TAS2R31: variants seen among roughly 807,000 people sequenced by gnomAD.
The protein encoded by TAS2R31 is taste 2 receptor member 31, also known as taste receptor type 2 member 31.
For missense variants in TAS2R31, 352 were observed against 347.4 expected (o/e 1.01, Z -0.10); for synonymous variants, 118 against 131.4 (o/e 0.90, Z 0.70).
In TAS2R31 at chr12:11,030,589, A is replaced by C; in HGVS notation, c.747T>G (p.Val249=). ...AVYFLSIMIS[V]WSFGSLENKP... ...TGTTTTCCAGACTCCCAAAACTCCA[A>C]ACTGATATCATTATGGACAGAAAGT... is the stretch of plus-strand genomic sequence containing the variant. Residue 249 remains valine (V), a synonymous_variant, in exon 1 of 1, where the codon GTT becomes GTG. Coordinates refer to ENST00000390675, the MANE Select transcript of TAS2R31 (RefSeq NM_176885.2). 1 of 1,614,254 alleles carries C rather than the reference A, an allele frequency of 6.2e-7. No homozygotes were observed. The highest frequency in any genetic ancestry group is 8.5e-7 in the Non-Finnish European group (1 of 1,180,044).
Position 11,031,066 on chromosome 12 carries a change from T to C in TAS2R31, c.270A>G (p.Val90=), listed in dbSNP as rs369295433. 1 of 1,614,116 alleles carries C rather than the reference T, an allele frequency of 6.2e-7. No individual in the cohort carries two copies. Among genetic ancestry groups the C allele is most frequent in the Non-Finnish European group, 8.5e-7 (1 of 1,179,998 alleles). The change falls in exon 1 of 1, where the codon GTA becomes GTG. Residue 90 remains valine, a synonymous_variant. Coordinates refer to ENST00000390675, the MANE Select transcript of TAS2R31 (RefSeq NM_176885.2). ...CAAGCCAGTTGCTGAAATGGCCGGT[T>C]ACTGCCCAGACATTATAAGCAGTAG... ...VRTTAYNVWA[V]TGHFSNWLAT...
chr12:11,031,272 A>C lies in TAS2R31; in HGVS notation c.64T>G (p.Phe22Val). Residue 22 changes from phenylalanine (F) to valine (V), a missense_variant, in exon 1 of 1, where the codon TTT becomes GTT. Transcript: ENST00000390675. The stretch of plus-strand genomic sequence containing the variant: ...ACCAATGCTATGAAGCCATTAGCAA[A>C]ATTTCCAATAACAAATAGAACCACT... ...VVVVLFVIGN[F>V]ANGFIALVNS... The C allele has an allele frequency of 6.2e-7, 1 of 1,613,990 alleles. No individual in the cohort carries two copies. The highest frequency in any genetic ancestry group is 8.5e-7 in the Non-Finnish European group (1 of 1,179,910).
Position 11,031,311 on chromosome 12 carries a change from A to C in TAS2R31, c.25T>G (p.Phe9Val), listed in dbSNP as rs1392337429. 1 of 1,613,600 alleles carries C rather than the reference A, an allele frequency of 6.2e-7. No homozygotes were observed. The highest frequency in any genetic ancestry group is 1.1e-5 in the South Asian group (1 of 91,050). ...AATAGAACCACTACCACACTGGAAA[A>C]AATGATGGGTATAAAAGTTGTCATG... MTTFIPII[F>V]SSVVVVLFVI... Residue 9 changes from phenylalanine to valine, a missense_variant, in exon 1 of 1, where the codon TTT becomes GTT. Coordinates refer to ENST00000390675, the MANE Select transcript of TAS2R31 (RefSeq NM_176885.2).
At position 11,030,997 on chromosome 12, in the gene TAS2R31, G is replaced by A; in HGVS notation, c.339C>T (p.Phe113=). The A allele has an allele frequency of 6.2e-7, 1 of 1,614,292 alleles. No homozygotes were observed. Among genetic ancestry groups the A allele is most frequent in the Non-Finnish European group, 8.5e-7 (1 of 1,180,052 alleles). Reference sequence around the variant, plus strand: ...TTAAGTGAAGAAAAATAAGGTTGGAGAAATTGGCAATCTTGAGCAAATAAA... The same window carrying A: ...TTAAGTGAAGAAAAATAAGGTTGGAAAAATTGGCAATCTTGAGCAAATAAA... ...SIFYLLKIAN[F]SNLIFLHLKR... The change falls in exon 1 of 1, where the codon TTC becomes TTT. Residue 113 remains phenylalanine, a synonymous_variant. Coordinates refer to ENST00000390675, the MANE Select transcript of TAS2R31 (RefSeq NM_176885.2).
chr12:11,030,685 T>C lies in TAS2R31; in HGVS notation c.651A>G (p.Gln217=). 1 of 1,614,232 alleles carries C rather than the reference T, an allele frequency of 6.2e-7. No individual in the cohort carries two copies. Among genetic ancestry groups the C allele is most frequent in the Non-Finnish European group, 8.5e-7 (1 of 1,180,034 alleles). Residue 217 remains glutamine, a synonymous_variant, in exon 1 of 1, where the codon CAA becomes CAG. Transcript: ENST00000390675. ...TTATGTGGACCTTGGTGCTGGGATCTTGAGATCCTTTACCATGGAGCTGCA... is the reference window on the plus strand; with the variant it reads ...TTATGTGGACCTTGGTGCTGGGATCCTGAGATCCTTTACCATGGAGCTGCA... The part of the protein sequence containing the change: ...KKMQLHGKGS[Q]DPSTKVHIKA...
At position 11,031,407 on chromosome 12, in the gene TAS2R31, G is replaced by C; in HGVS notation, c.-72C>G. ...GGAGTTGGTTCCTGCAGGTGGGTTC[G>C]TGGTCTCCCTGACTTCAAAAATGGA... On this transcript the variant is annotated 5_prime_UTR_variant, in exon 1 of 1. Coordinates refer to ENST00000390675, the MANE Select transcript of TAS2R31 (RefSeq NM_176885.2). 6.5e-7 allele frequency: 1 copy of C among 1,545,014 alleles called. No homozygotes were observed. The highest frequency in any genetic ancestry group is 8.7e-7 in the Non-Finnish European group (1 of 1,145,812).
rs776327763 is a variant in TAS2R31 at position 11,031,267 on chromosome 12, A to G, written c.69T>C (p.Ala23=). 2.5e-6 allele frequency: 4 copies of G among 1,613,988 alleles called. No homozygotes were observed. In the African/African-American group the frequency reaches 5.3e-5, roughly 22 times the overall value. The change falls in exon 1 of 1, where the codon GCT becomes GCC. Residue 23 remains alanine (A), a synonymous_variant. Transcript: ENST00000390675. Reference sequence around the variant, plus strand: ...AATTTACCAATGCTATGAAGCCATTAGCAAAATTTCCAATAACAAATAGAA... The same window carrying G: ...AATTTACCAATGCTATGAAGCCATTGGCAAAATTTCCAATAACAAATAGAA... ...VVVLFVIGNF[A]NGFIALVNSI... is the part of the protein sequence containing the mutation.
rs1185156104 is a variant in TAS2R31, at chr12:11,031,178, A to G, written c.158T>C (p.Val53Ala). ...FADQILTALA[V>A]SRVGLLWVLL... Reference sequence around the variant, plus strand: ...TACCCAGAGCAAACCAACTCTGGAGACCGCCAGAGCAGTGAGAATCTGGTC... The same window carrying G: ...TACCCAGAGCAAACCAACTCTGGAGGCCGCCAGAGCAGTGAGAATCTGGTC... The change falls in exon 1 of 1, where the codon GTC becomes GCC. Residue 53 changes from valine to alanine, a missense_variant. Physicochemically the swap from Val to Ala is moderately conservative, Grantham distance 64 (BLOSUM62 0). Coordinates refer to ENST00000390675, the MANE Select transcript of TAS2R31 (RefSeq NM_176885.2). The G allele has an allele frequency of 1.2e-6, 2 of 1,614,068 alleles. No homozygotes were observed. The highest frequency in any genetic ancestry group is 8.5e-7 in the Non-Finnish European group (1 of 1,180,028).
rs375751426 is a variant in TAS2R31, at chr12:11,031,212, A to T, written c.124T>A (p.Ser42Thr). Residue 42 changes from serine (S) to threonine (T), a missense_variant, in exon 1 of 1, where the codon TCT becomes ACT. Ser to Thr is a moderately conservative substitution (Grantham distance 58). Coordinates refer to ENST00000390675, the MANE Select transcript of TAS2R31 (RefSeq NM_176885.2). ...SIERVKRQKISFADQILTALA... is the reference protein window; with the variant it reads ...SIERVKRQKITFADQILTALA... Reference sequence around the variant, plus strand: ...GCAGTGAGAATCTGGTCAGCAAAAGAGATCTTTTGTCTCTTGACCCGCTCA... The same window carrying T: ...GCAGTGAGAATCTGGTCAGCAAAAGTGATCTTTTGTCTCTTGACCCGCTCA... The T allele has an allele frequency of 1.9e-6, 3 of 1,614,016 alleles. No homozygotes were observed. The African/African-American group carries it at 4.0e-5, about 22-fold the overall frequency.
At position 11,031,155 on chromosome 12, in the gene TAS2R31, C is replaced by A. The variant is rs374745478; in HGVS notation, c.181G>T (p.Val61Leu). The change falls in exon 1 of 1, where the codon GTA becomes TTA. Residue 61 changes from valine (V) to leucine (L), a missense_variant. Physicochemically the swap from Val to Leu is conservative, Grantham distance 32. Transcript: ENST00000390675. ...GTTGAATACCAATTTAATAATAATA[C>A]CCAGAGCAAACCAACTCTGGAGACC... ...LAVSRVGLLW[V>L]LLLNWYSTVF... 5 of 1,614,082 alleles carry A rather than the reference C, an allele frequency of 3.1e-6. No homozygotes were observed. In the South Asian group the frequency reaches 3.3e-5, roughly 11 times the overall value.
Position 11,030,930 on chromosome 12 carries a change from G to A in TAS2R31, c.406C>T (p.Pro136Ser), listed in dbSNP as rs1351603802. ...AGTTGACAAGCCAAAAATAGTAAAG[G>A]CCCCAACAGCATCACCAGAATGACA... is the stretch of plus-strand genomic sequence containing the variant. ...KSVILVMLLGPLLFLACQLFV... is the reference protein window; with the variant it reads ...KSVILVMLLGSLLFLACQLFV... The change falls in exon 1 of 1, where the codon CCT (proline) becomes TCT (serine). Residue 136 changes from proline (P) to serine (S), a missense_variant. Transcript: ENST00000390675. 6.2e-7 allele frequency: 1 copy of A among 1,614,196 alleles called. No homozygotes were observed. The highest frequency in any genetic ancestry group is 1.7e-5 in the Admixed American group (1 of 60,030).
Position 11,031,152 on chromosome 12 carries a change from A to G in TAS2R31, c.184T>C (p.Leu62=), listed in dbSNP as rs1478428943. ...AVSRVGLLWV[L]LLNWYSTVFN... is the part of the protein sequence containing the mutation. ...ACAGTTGAATACCAATTTAATAATA[A>G]TACCCAGAGCAAACCAACTCTGGAG... The change falls in exon 1 of 1, where the codon TTA becomes CTA. Residue 62 remains leucine (L), a synonymous_variant. Transcript: ENST00000390675. The G allele has an allele frequency of 6.2e-7, 1 of 1,612,810 alleles. No homozygotes were observed. Among genetic ancestry groups the G allele is most frequent in the Admixed American group, 1.7e-5 (1 of 60,032 alleles).
Position 11,031,035 on chromosome 12 carries a change from T to G in TAS2R31, c.301A>C (p.Ser101Arg). ...TGHFSNWLAT[S>R]LSIFYLLKIA... ...TTGAGCAAATAAAATATGCTGAGGCTAGTAGCAAGCCAGTTGCTGAAATGG... is the reference window on the plus strand; with the variant it reads ...TTGAGCAAATAAAATATGCTGAGGCGAGTAGCAAGCCAGTTGCTGAAATGG... The change falls in exon 1 of 1, where the codon AGC becomes CGC. Residue 101 changes from serine (S) to arginine (R), a missense_variant. By Grantham distance (110) the Ser-to-Arg change is moderately radical. Coordinates refer to ENST00000390675, the MANE Select transcript of TAS2R31 (RefSeq NM_176885.2). 6.2e-7 allele frequency: 1 copy of G among 1,614,304 alleles called. No individual in the cohort carries two copies. The highest frequency in any genetic ancestry group is 1.7e-5 in the Admixed American group (1 of 60,038).
Position 11,030,600 on chromosome 12 carries a change from T to C in TAS2R31, c.736A>G (p.Met246Val). ...LLCAVYFLSI[M>V]ISVWSFGSLE... is the part of the protein sequence containing the mutation. ...CTCCCAAAACTCCAAACTGATATCA[T>C]TATGGACAGAAAGTAAACGGCACAT... Residue 246 changes from methionine (M) to valine (V), a missense_variant, in exon 1 of 1, where the codon ATG becomes GTG. Physicochemically the swap from Met to Val is conservative, Grantham distance 21. Coordinates refer to ENST00000390675, the MANE Select transcript of TAS2R31 (RefSeq NM_176885.2). 6.2e-7 allele frequency: 1 copy of C among 1,614,248 alleles called. No homozygotes were observed. Among genetic ancestry groups the C allele is most frequent in the African/African-American group, 1.3e-5 (1 of 75,062 alleles).
In TAS2R31 at chr12:11,030,636, A is replaced by G. The variant is rs1415178489; in HGVS notation, c.700T>C (p.Phe234Leu). 6.2e-7 allele frequency: 1 copy of G among 1,614,236 alleles called. No homozygotes were observed. ...HIKALQTVIF[F>L]LLLCAVYFLS... Reference sequence around the variant, plus strand: ...AAGTAAACGGCACATAACAAGAGGAAAAAGATCACAGTTTGCAAAGCTTTT... The same window carrying G: ...AAGTAAACGGCACATAACAAGAGGAGAAAGATCACAGTTTGCAAAGCTTTT... The change falls in exon 1 of 1, where the codon TTC (phenylalanine) becomes CTC (leucine). Residue 234 changes from phenylalanine to leucine, a missense_variant. Coordinates refer to ENST00000390675, the MANE Select transcript of TAS2R31 (RefSeq NM_176885.2).
chr12:11,030,479 A>C lies in TAS2R31; in HGVS notation c.857T>G (p.Leu286Arg). The C allele has an allele frequency of 6.2e-7, 1 of 1,614,276 alleles. No individual in the cohort carries two copies. The highest frequency in any genetic ancestry group is 1.1e-5 in the South Asian group (1 of 91,090). The change falls in exon 1 of 1, where the codon CTA (leucine) becomes CGA (arginine). Residue 286 changes from leucine to arginine, a missense_variant. Leu to Arg is a moderately radical substitution (Grantham distance 102). Coordinates refer to ENST00000390675, the MANE Select transcript of TAS2R31 (RefSeq NM_176885.2). ...CAAAACTGAAAGAAAAGTCTGCTTTAGCTTCTTGTTTCCCCAAATCAGGAT... is the reference window on the plus strand; with the variant it reads ...CAAAACTGAAAGAAAAGTCTGCTTTCGCTTCTTGTTTCCCCAAATCAGGAT... Reference protein sequence around the residue: ...PFILIWGNKKLKQTFLSVLRQ... With the variant: ...PFILIWGNKKRKQTFLSVLRQ...
Position 11,031,106 on chromosome 12 carries a change from C to A in TAS2R31, c.230G>T (p.Ser77Ile), listed in dbSNP as rs1942187485. The A allele has an allele frequency of 1.9e-6, 3 of 1,614,170 alleles. No homozygotes were observed. The African/African-American group carries it at 4.0e-5, about 22-fold the overall frequency. Residue 77 changes from serine to isoleucine, a missense_variant, in exon 1 of 1, where the codon AGT (serine) becomes ATT (isoleucine). Ser to Ile is a moderately radical substitution (Grantham distance 142). Coordinates refer to ENST00000390675, the MANE Select transcript of TAS2R31 (RefSeq NM_176885.2). ...ATAAGCAGTAGTTCTTACTTCTACA[C>A]TATAAAAAGCTGGATTAAACACAGT... ...YSTVFNPAFY[S>I]VEVRTTAYNV...
chr12:11,030,939 G>A lies in TAS2R31; in HGVS notation c.397C>T (p.Leu133=), dbSNP rs773023945. 6 of 1,614,264 alleles carry A rather than the reference G, an allele frequency of 3.7e-6. No individual in the cohort carries two copies. Among genetic ancestry groups the A allele is most frequent in the African/African-American group, 1.3e-5 (1 of 75,064 alleles). The change falls in exon 1 of 1, where the codon CTG becomes TTG. Residue 133 remains leucine (L), a synonymous_variant. Coordinates refer to ENST00000390675, the MANE Select transcript of TAS2R31 (RefSeq NM_176885.2). The part of the protein sequence containing the change: ...RRVKSVILVM[L]LGPLLFLACQ... Reference sequence around the variant, plus strand: ...GCCAAAAATAGTAAAGGCCCCAACAGCATCACCAGAATGACACTCTTAACT... The same window carrying A: ...GCCAAAAATAGTAAAGGCCCCAACAACATCACCAGAATGACACTCTTAACT...
rs1214085921 is a variant in TAS2R31 at position 11,031,112 on chromosome 12, A to C, written c.224T>G (p.Phe75Cys). Residue 75 changes from phenylalanine to cysteine, a missense_variant, in exon 1 of 1, where the codon TTT becomes TGT. Physicochemically the swap from Phe to Cys is radical, Grantham distance 205 (BLOSUM62 -2). Transcript: ENST00000390675. ...NWYSTVFNPA[F>C]YSVEVRTTAY... ...AGTAGTTCTTACTTCTACACTATAA[A>C]AAGCTGGATTAAACACAGTTGAATA... 1.2e-6 allele frequency: 2 copies of C among 1,614,172 alleles called. No individual in the cohort carries two copies. Among genetic ancestry groups the C allele is most frequent in the East Asian group, 4.5e-5 (2 of 44,906 alleles).
Sources: gnomAD v4.1 joint callset for allele counts on GRCh38, gnomAD v4.1.1 for gene constraint, MANE v1.5 for transcripts, NCBI Gene and HGNC (gene_info 2026-07-23, HGNC 2026-07-21) for gene names.